Variants in CSMD1 observed in about 807,000 individuals in gnomAD.
The protein encoded by CSMD1 is CUB and sushi domain-containing protein 1.
Under a neutral mutation model 417.5 loss-of-function variants are expected in CSMD1, and 213 were observed. That is an observed-to-expected ratio of 0.51 (90% confidence interval 0.46 to 0.57). The LOEUF (loss-of-function observed/expected upper bound fraction) is 0.57, where lower values mean the gene tolerates loss of function less well. Among genes scored for constraint, CSMD1 ranks in the 20% least tolerant of loss-of-function variants. CSMD1 has a pLI of 0.00. For synonymous variants in CSMD1, 2,862 were observed against 1,736.8 expected (o/e 1.65, Z -16.11); for missense variants, 6,923 against 4,529.7 (o/e 1.53, Z -15.17).
chr8:3,641,899 G>A (rs753315214), intron 7 of CSMD1, among the ~76,000 whole-genome samples: 4 of 152,184 alleles, frequency 2.6e-5, no homozygotes, highest in Non-Finnish European at 4.4e-5. Context: ...TAGGCAATGT[G>A]TGGAAACTAA....
At chr8:4,922,652 A>G (rs184402509) in intron 1 of CSMD1, among the ~76,000 whole-genome samples, 1 of 152,214 alleles carries the variant, frequency 6.6e-6, no homozygotes, top group East Asian at 1.9e-4. Flanking sequence ...CACAGTTCAC[A>G]TGGTGCAGCC....
intron 3 of CSMD1, among the ~76,000 whole-genome samples, chr8:4,048,878 A>G (rs1798282072): frequency 6.6e-6 from 1 of 152,350 alleles, no homozygotes; most frequent in East Asian, 1.9e-4. Context: ...GCTCATTTTT[A>G]CAGCTGCTAC....
chr8:2,990,642 T>C lies in CSMD1; in HGVS notation c.8377+7369A>G, dbSNP rs569112217. 3.5e-4 allele frequency among the ~76,000 whole-genome samples: 54 copies of C among 152,290 alleles called. 1 individual carries two copies. Among genetic ancestry groups the C allele is most frequent in the African/African-American group, 1.3e-3 (53 of 41,566 alleles). ...AGGGACACCTCTGTGAGCGATTCCA[T>C]TCCTCCTCCCTCCTAAATAAGACAC... On this transcript the variant is annotated intron_variant, in intron 54 of 69. Transcript: ENST00000635120.
chr8:3,838,175 C>G (rs536564987), intron 5 of CSMD1, among the ~76,000 whole-genome samples: 13 of 152,136 alleles, frequency 8.5e-5, no homozygotes, highest in African/African-American at 3.1e-4. Flanking sequence ...ACAAATGAAT[C>G]AGACACAGAC....
At chr8:3,820,552 G>C (rs1488790016) in intron 5 of CSMD1, among the ~76,000 whole-genome samples, 1 of 152,088 alleles carries the variant, frequency 6.6e-6, no homozygotes, top group African/African-American at 2.4e-5. Flanking sequence ...TCTTCCATTT[G>C]TCGTTGTTGT....
chr8:4,237,811 C>T (rs1393129940), intron 3 of CSMD1, among the ~76,000 whole-genome samples: 1 of 152,094 alleles, frequency 6.6e-6, no homozygotes, highest in Admixed American at 6.6e-5. Context: ...CAGTACCTGG[C>T]CCAAAAATAA....
chr8:4,890,095 T>C (rs887313247), intron 1 of CSMD1, among the ~76,000 whole-genome samples: 1 of 152,148 alleles, frequency 6.6e-6, no homozygotes, highest in Non-Finnish European at 1.5e-5. Context: ...AGAAACTAGT[T>C]CTAAGAAAGA....
At chr8:3,851,907 T>A (rs1486406461) in intron 5 of CSMD1, among the ~76,000 whole-genome samples, 1 of 151,848 alleles carries the variant, frequency 6.6e-6, no homozygotes. Flanking sequence ...TCTGGCGGGG[T>A]AGAAGTACTG....
intron 1 of CSMD1, among the ~76,000 whole-genome samples, chr8:4,778,220 G>A (rs976852557): frequency 3.3e-5 from 5 of 152,006 alleles, no homozygotes; most frequent in Non-Finnish European, 5.9e-5. Flanking sequence ...ATTCAGATTT[G>A]CAATTATTAA....
intron 12 of CSMD1, among the ~76,000 whole-genome samples, chr8:3,454,180 C>A (rs1815949789): frequency 6.6e-6 from 1 of 152,120 alleles, no homozygotes; most frequent in Admixed American, 6.6e-5. Context: ...TCTTTCTCCA[C>A]CTCTTTATTT....
intron 36 of CSMD1, among the ~76,000 whole-genome samples, chr8:3,187,334 C>T (rs1017507261): frequency 1.3e-5 from 2 of 152,070 alleles, no homozygotes; most frequent in Non-Finnish European, 2.9e-5. Context: ...GGAAGACTTG[C>T]AGGGCATTTG....
chr8:4,772,601 A>T (rs1303567293), intron 1 of CSMD1, among the ~76,000 whole-genome samples: 2 of 152,178 alleles, frequency 1.3e-5, no homozygotes, highest in African/African-American at 2.4e-5. Flanking sequence ...TTGAATTAAA[A>T]TTTTTTCTTA....
At chr8:4,847,734 A>C (rs921024990) in intron 1 of CSMD1, among the ~76,000 whole-genome samples, 2 of 149,970 alleles carry the variant, frequency 1.3e-5, no homozygotes, top group African/African-American at 4.9e-5. Flanking sequence ...GACAGTTTTC[A>C]GGACCGTTGG....
rs188072141 is a variant in CSMD1 at position 4,141,308 on chromosome 8, G to C, written c.416-109209C>G. ...TGAAAAATCCGTAATTCCCAAGATG[G>C]AAATTAAGGGGAAATGAAGCTACTA... On this transcript the variant is annotated intron_variant, in intron 3 of 69. Transcript: ENST00000635120. 1.7e-4 allele frequency among the ~76,000 whole-genome samples: 26 copies of C among 151,238 alleles called. 3 individuals carry two copies. Among genetic ancestry groups the C allele is most frequent in the African/African-American group, 6.4e-4 (26 of 40,570 alleles).
chr8:4,332,550 CAT>C (rs1253897591), intron 3 of CSMD1, among the ~76,000 whole-genome samples: 19 of 102,054 alleles, frequency 1.9e-4, no homozygotes, highest in Non-Finnish European at 1.0e-4. Flanking sequence ...CATGATATCA[CAT>C]ACACACACAC....
intron 1 of CSMD1, among the ~76,000 whole-genome samples, chr8:4,898,359 T>C (rs1012904520): frequency 3.3e-5 from 5 of 151,642 alleles, no homozygotes; most frequent in Non-Finnish European, 5.9e-5. Flanking sequence ...TTGCAATTTC[T>C]GTGTCACACC....
At chr8:4,435,648 G>C (rs186475535) in intron 2 of CSMD1, among the ~76,000 whole-genome samples, 38 of 152,292 alleles carry the variant, frequency 2.5e-4, no homozygotes, top group Non-Finnish European at 4.1e-4. Flanking sequence ...CCTCCCTGGG[G>C]GAAGGGGATT....
intron 5 of CSMD1, among the ~76,000 whole-genome samples, chr8:3,987,013 C>A (rs1431474505): frequency 6.6e-6 from 1 of 152,134 alleles, no homozygotes; most frequent in Non-Finnish European, 1.5e-5. Flanking sequence ...CCTCAGCCTC[C>A]CAAAGTGCTG....
Position 3,680,614 on chromosome 8 carries a change from A to G in CSMD1, c.1009+27800T>C, listed in dbSNP as rs561243010. ...GCCGATTTCTATCAGACGTACAAAGAGGAGCAGGTACCATTCCTTCTGAAA... is the reference window on the plus strand; with the variant it reads ...GCCGATTTCTATCAGACGTACAAAGGGGAGCAGGTACCATTCCTTCTGAAA... On this transcript the variant is annotated intron_variant, in intron 7 of 69. Coordinates refer to ENST00000635120, the MANE Select transcript of CSMD1 (RefSeq NM_033225.6). 3.3e-5 allele frequency among the ~76,000 whole-genome samples: 5 copies of G among 152,352 alleles called. No homozygotes were observed. In the East Asian group the frequency reaches 9.7e-4, roughly 29 times the overall value.
Sources: gnomAD v4.1 joint callset for allele counts (sites outside exome capture counted in the v4.1 genomes callset) on GRCh38, gnomAD v4.1.1 for gene constraint, MANE v1.5 for transcripts, NCBI Gene and HGNC (gene_info 2026-07-23, HGNC 2026-07-21) for gene names.